The following CNTN4 variants were observed in gnomAD, a reference collection of about 807,000 sequenced individuals.
The protein encoded by CNTN4 is contactin 4.
In CNTN4, 77 loss-of-function variants were observed where a neutral mutation model predicts 122.5. That is an observed-to-expected ratio of 0.63 (90% CI 0.52 to 0.76). The LOEUF (loss-of-function observed/expected upper bound fraction) is 0.76. CNTN4 is among the 30% of genes least tolerant of loss of function. CNTN4 has a pLI of 0.00. For missense variants in CNTN4, 1,256 were observed against 1,259.1 expected (o/e 1.00, Z 0.04); for synonymous variants, 512 against 447.0 (o/e 1.15, Z -1.83).
intron 10 of CNTN4, among the ~76,000 whole-genome samples, chr3:2,888,443 T>C (rs140823312): frequency 2.0e-3 from 298 of 152,108 alleles, no homozygotes; most frequent in African/African-American, 6.9e-3. Context: ...CAACACAGAA[T>C]GGTTCTGTCA....
At chr3:2,891,175 G>A (rs1390249315) in intron 10 of CNTN4, among the ~76,000 whole-genome samples, 1 of 152,120 alleles carries the variant, frequency 6.6e-6, no homozygotes, top group East Asian at 1.9e-4. Flanking sequence ...AAATAATGAG[G>A]TTGATTGGCC....
intron 3 of CNTN4, among the ~76,000 whole-genome samples, chr3:2,441,680 C>T (rs1454972710): frequency 1.3e-5 from 2 of 152,148 alleles, no homozygotes; most frequent in Non-Finnish European, 2.9e-5. Flanking sequence ...TGCAGTGTGA[C>T]TAATTGCTGG....
intron 4 of CNTN4, among the ~76,000 whole-genome samples, chr3:2,657,833 T>C (rs935419498): frequency 6.6e-6 from 1 of 151,682 alleles, no homozygotes. Context: ...ACTTTCTTAA[T>C]TTCAGTGGGG....
At position 2,472,527 on chromosome 3, in the gene CNTN4, C is replaced by G. The variant is rs11927342; in HGVS notation, c.-88-98889C>G. ...GTGCTGGGATTACTGGCATGAGTCACTGCACCTGGCCTCAAGGACAAATTT... is the reference window on the plus strand; with the variant it reads ...GTGCTGGGATTACTGGCATGAGTCAGTGCACCTGGCCTCAAGGACAAATTT... On this transcript the variant is annotated intron_variant, in intron 3 of 24. Coordinates refer to ENST00000418658, the MANE Select transcript of CNTN4 (RefSeq NM_175607.3). Among the ~76,000 whole-genome samples, 804 of 152,270 alleles carry G rather than the reference C, an allele frequency of 5.3e-3. 11 individuals carry two copies. The highest frequency in any genetic ancestry group is 0.018 in the African/African-American group (742 of 41,546).
intron 2 of CNTN4, among the ~76,000 whole-genome samples, chr3:2,113,847 A>C (rs1412015177): frequency 1.3e-5 from 2 of 152,184 alleles, no homozygotes; most frequent in Non-Finnish European, 2.9e-5. Flanking sequence ...GAAATAACTC[A>C]AACCATTCTT....
intron 6 of CNTN4, among the ~76,000 whole-genome samples, chr3:2,801,117 C>T (rs2092336702): frequency 6.6e-6 from 1 of 152,174 alleles, no homozygotes; most frequent in Non-Finnish European, 1.5e-5. Context: ...TCCACAAGGG[C>T]AGGAGTATTT....
intron 6 of CNTN4, among the ~76,000 whole-genome samples, chr3:2,749,113 C>T (rs983155027): frequency 6.6e-6 from 1 of 152,118 alleles, no homozygotes; most frequent in African/African-American, 2.4e-5. Context: ...GACCTTCCTC[C>T]AGCCCTCTAC....
intron 2 of CNTN4, among the ~76,000 whole-genome samples, chr3:2,318,899 G>A (rs77346484): frequency 0.012 from 1,769 of 152,236 alleles, 41 homozygotes; most frequent in African/African-American, 0.04. Flanking sequence ...CCACTTGGCC[G>A]CCCAAGTTGG....
At chr3:2,330,323 TC>T (rs1300739273) in intron 2 of CNTN4, among the ~76,000 whole-genome samples, 1 of 152,120 alleles carries the variant, frequency 6.6e-6, no homozygotes, top group Non-Finnish European at 1.5e-5. Flanking sequence ...CCAGTTGCAG[TC>T]CTTTTTGGTT....
chr3:2,941,491 G>T (rs2094614829), intron 13 of CNTN4, among the ~76,000 whole-genome samples: 1 of 152,192 alleles, frequency 6.6e-6, no homozygotes, highest in Non-Finnish European at 1.5e-5. Flanking sequence ...GATCGCTTGA[G>T]CCTGAAACCT....
At chr3:2,300,153 T>C (rs1230470601) in intron 2 of CNTN4, among the ~76,000 whole-genome samples, 2 of 152,250 alleles carry the variant, frequency 1.3e-5, no homozygotes, top group Admixed American at 1.3e-4. Context: ...AAGAGCAGAG[T>C]TATTTTATAT....
chr3:2,187,436 T>C (rs1256236518), intron 2 of CNTN4, among the ~76,000 whole-genome samples: 4 of 152,154 alleles, frequency 2.6e-5, no homozygotes, highest in Admixed American at 2.6e-4. Context: ...TCATTGGTCC[T>C]TGAAGGCAGC....
intron 4 of CNTN4, among the ~76,000 whole-genome samples, chr3:2,713,901 G>A (rs2087311475): frequency 6.6e-6 from 1 of 152,190 alleles, no homozygotes; most frequent in Admixed American, 6.5e-5. Context: ...CAAAGTCTCA[G>A]ATTTGTGATC....
chr3:2,458,542 G>A (rs2049084093), intron 3 of CNTN4, among the ~76,000 whole-genome samples: 1 of 152,082 alleles, frequency 6.6e-6, no homozygotes, highest in Non-Finnish European at 1.5e-5. Context: ...CCTCTTATGA[G>A]ATGTTGATAG....
At chr3:2,198,086 A>G (rs2037932305) in intron 2 of CNTN4, among the ~76,000 whole-genome samples, 1 of 152,090 alleles carries the variant, frequency 6.6e-6, no homozygotes, top group South Asian at 2.1e-4. Flanking sequence ...CGGGAACAGT[A>G]TAGCAGATAT....
rs777362588 is a variant in CNTN4, at chr3:3,043,615, A to T, written c.2722A>T (p.Ile908Phe). 25 of 1,613,884 alleles carry T rather than the reference A, an allele frequency of 1.5e-5. No individual in the cohort carries two copies. Among genetic ancestry groups the T allele is most frequent in the Non-Finnish European group, 2.0e-5 (24 of 1,179,846 alleles). Residue 908 changes from isoleucine to phenylalanine, a missense_variant, in exon 23 of 25, where the codon ATC becomes TTC. Physicochemically the swap from Ile to Phe is conservative, Grantham distance 21 (BLOSUM62 0). Transcript: ENST00000418658. ...AGCACCAAGTCAACCCCCCGGAAAC[A>T]TCATATGGAATTCATCAGACTCCAA... The part of the protein sequence containing the change: ...KPPPSQPPGN[I>F]IWNSSDSKII...
chr3:2,472,494 G>T (rs553352387), intron 3 of CNTN4, among the ~76,000 whole-genome samples: 1 of 151,984 alleles, frequency 6.6e-6, no homozygotes, highest in Admixed American at 6.6e-5. Flanking sequence ...CTGCCTCGGC[G>T]TCCCAAAGTG....
At chr3:2,620,344 C>T (rs888230422) in intron 4 of CNTN4, among the ~76,000 whole-genome samples, 5 of 151,338 alleles carry the variant, frequency 3.3e-5, no homozygotes, top group African/African-American at 1.2e-4. Flanking sequence ...TATGAAAATA[C>T]AAAAAATAAG....
intron 6 of CNTN4, among the ~76,000 whole-genome samples, chr3:2,812,109 A>G (rs1053533456): frequency 1.3e-5 from 2 of 152,158 alleles, no homozygotes; most frequent in East Asian, 3.8e-4. Context: ...AACACCACAC[A>G]CTGGGGCCTG....
Sources: allele counts gnomAD v4.1 joint callset (sites outside exome capture counted in the v4.1 genomes callset), GRCh38; gene constraint gnomAD v4.1.1; transcripts MANE v1.5; gene names NCBI Gene and HGNC (gene_info 2026-07-23, HGNC 2026-07-21).